The following VPS13A variants were observed in gnomAD, a reference collection of about 807,000 sequenced individuals.
VPS13A encodes the protein vacuolar protein sorting 13 homolog A, also known as intermembrane lipid transfer protein VPS13A.
In VPS13A, 264 loss-of-function variants were observed where a neutral mutation model predicts 390.9. The observed-to-expected ratio is 0.68, with a 90% CI of 0.61 to 0.75. The LOEUF (loss-of-function observed/expected upper bound fraction) is 0.75, where lower values mean the gene tolerates loss of function less well. Ranked by LOEUF, VPS13A falls within the 30% of genes least tolerant of loss-of-function variation. VPS13A has a pLI of 0.00. For missense variants in VPS13A, 3,409 were observed against 3,733.9 expected (o/e 0.91, Z 2.27); for synonymous variants, 1,231 against 1,227.1 (o/e 1.00, Z -0.07).
chr9:77,238,688 G>A (rs1824291234), intron 19 of VPS13A, among the ~76,000 whole-genome samples: 2 of 152,110 alleles, frequency 1.3e-5, no homozygotes, highest in African/African-American at 4.8e-5. Flanking sequence ...CTTAGAATGC[G>A]TTCCAGATTT....
intron 68 of VPS13A, among the ~76,000 whole-genome samples, chr9:77,386,889 A>C (rs1418520661): frequency 2.0e-5 from 3 of 151,648 alleles, no homozygotes; most frequent in Non-Finnish European, 4.4e-5. Context: ...TTGTGTTTTT[A>C]GTAGAGATGG....
chr9:77,327,140 G>A (rs186579196), intron 45 of VPS13A, among the ~76,000 whole-genome samples: 54 of 152,124 alleles, frequency 3.5e-4, no homozygotes, highest in South Asian at 1.0e-3. Flanking sequence ...TTTTTCCCTT[G>A]TGCCGCCTCT....
At chr9:77,274,426 CAAA>C (rs889400152) in intron 24 of VPS13A, among the ~76,000 whole-genome samples, 3 of 62,196 alleles carry the variant, frequency 4.8e-5, no homozygotes, top group Non-Finnish European at 6.3e-5. Flanking sequence ...GAGTCCGAAT[CAAA>C]AAAAAAAAAA....
chr9:77,409,065 C>G (rs1226760575), intron 71 of VPS13A, among the ~76,000 whole-genome samples: 1 of 152,212 alleles, frequency 6.6e-6, no homozygotes, highest in African/African-American at 2.4e-5. Context: ...CAGACTGACA[C>G]CTCACACGGC....
chr9:77,179,858 C>T (rs940814871), intron 1 of VPS13A, among the ~76,000 whole-genome samples: 13 of 152,106 alleles, frequency 8.5e-5, no homozygotes, highest in Non-Finnish European at 1.3e-4. Flanking sequence ...AGGAGTGACT[C>T]CCAATTTCCT....
intron 69 of VPS13A, among the ~76,000 whole-genome samples, chr9:77,405,658 T>G (rs2131653807): frequency 6.6e-6 from 1 of 152,326 alleles, no homozygotes; most frequent in South Asian, 2.1e-4. Context: ...TATTGTTATC[T>G]TTTTGTTTGG....
At chr9:77,394,851 C>T (rs1025560787) in intron 68 of VPS13A, among the ~76,000 whole-genome samples, 31 of 152,328 alleles carry the variant, frequency 2.0e-4, no homozygotes, top group African/African-American at 7.5e-4. Flanking sequence ...CTGCTAGCTT[C>T]ACCTTTTCTT....
chr9:77,253,936 CTTTTTTTTTTTTTT>C (rs1172781069), intron 22 of VPS13A, among the ~76,000 whole-genome samples: 1 of 55,068 alleles, frequency 1.8e-5, no homozygotes, highest in African/African-American at 6.9e-5. Flanking sequence ...GGCCTTTATT[CTTTTTTTTTTTTTT>C]TTTTTTTTTT....
intron 53 of VPS13A, among the ~76,000 whole-genome samples, 189 bp from the exon 54 acceptor site, chr9:77,353,220 C>T (rs942487348): frequency 2.0e-5 from 3 of 151,902 alleles, no homozygotes; most frequent in Admixed American, 6.6e-5. Flanking sequence ...TAACAGATAA[C>T]ATCAAATGAT....
intron 1 of VPS13A, among the ~76,000 whole-genome samples, chr9:77,183,877 A>G (rs1223987293): frequency 6.6e-6 from 1 of 152,264 alleles, no homozygotes; most frequent in Non-Finnish European, 1.5e-5. Flanking sequence ...GCATATCCAT[A>G]TAATGGAATA....
intron 1 of VPS13A, among the ~76,000 whole-genome samples, chr9:77,199,278 C>T (rs62573167): frequency 0.2 from 30,910 of 152,046 alleles, 3,338 homozygotes; most frequent in Middle Eastern, 0.26. Flanking sequence ...GTGATCCTCC[C>T]ACCTCAGCCT....
intron 51 of VPS13A, among the ~76,000 whole-genome samples, chr9:77,344,620 G>A (rs541629430): frequency 2.3e-4 from 35 of 152,054 alleles, no homozygotes; most frequent in Non-Finnish European, 3.7e-4. Flanking sequence ...TTAGCCGGGC[G>A]TGGTGGCGGG....
At chr9:77,245,089 T>C (rs1004482182) in intron 19 of VPS13A, among the ~76,000 whole-genome samples, 4 of 152,118 alleles carry the variant, frequency 2.6e-5, no homozygotes, top group African/African-American at 9.7e-5. Context: ...GAAAGTCATA[T>C]TAAGCAGTTA....
In VPS13A at chr9:77,177,636, G is replaced by GGGGCGTGGGGAAGGCGGCGGGAGGAGGA; in HGVS notation, c.-67_-40dup. 1 of 1,430,114 alleles carries GGGGCGTGGGGAAGGCGGCGGGAGGAGGA rather than the reference G, an allele frequency of 7.0e-7. No individual in the cohort carries two copies. The highest frequency in any genetic ancestry group is 1.4e-5 in the African/African-American group (1 of 71,420). The allele number at this position is 1,430,114 out of a possible 1,614,324, so 88.6% of individuals were successfully genotyped here. Reference sequence around the variant, plus strand: ...CGGTGAACCGAATTACCTCGAGGGAGGGGCGTGGGGAAGGCGGCGGGAGGA... The same window carrying GGGGCGTGGGGAAGGCGGCGGGAGGAGGA: ...CGGTGAACCGAATTACCTCGAGGGAGGGGCGTGGGGAAGGCGGCGGGAGGAGGAGGGCGTGGGGAAGGCGGCGGGAGGA... On this transcript the variant is annotated 5_prime_UTR_variant, in exon 1 of 72. Coordinates refer to ENST00000360280, the MANE Select transcript of VPS13A (RefSeq NM_033305.3).
In VPS13A at chr9:77,382,406, T is replaced by C. The variant is rs1587698840; in HGVS notation, c.9189+319T>C. 1.0e-5 allele frequency: 15 copies of C among 1,446,866 alleles called. No homozygotes were observed. In the East Asian group the frequency reaches 2.4e-4, roughly 23 times the overall value. 89.6% of individuals were successfully genotyped at this position (1,446,866 alleles called of 1,614,324 possible). A position where few individuals can be genotyped will look rare whatever the true frequency, so the allele number is the denominator to read the frequency against. On this transcript the variant is annotated intron_variant, in intron 68 of 71. Transcript: ENST00000360280. Reference sequence around the variant, plus strand: ...GTATTTTGAATACAAAGAAAACCTTTTGTATTGGTAACTTTTAATAGGAAT... The same window carrying C: ...GTATTTTGAATACAAAGAAAACCTTCTGTATTGGTAACTTTTAATAGGAAT...
chr9:77,288,163 C>T (rs1827444524), intron 31 of VPS13A, among the ~76,000 whole-genome samples: 1 of 151,920 alleles, frequency 6.6e-6, no homozygotes, highest in African/African-American at 2.4e-5. Flanking sequence ...TTTTTCTTAG[C>T]ATGTGAGATT....
chr9:77,295,427 G>T, intron 32 of VPS13A, 115 bp from the exon 33 acceptor site: 3 of 847,370 alleles, frequency 3.5e-6, no homozygotes, highest in South Asian at 2.7e-5. Flanking sequence ...AATAATGCTT[G>T]GTTGTATCAA....
At chr9:77,340,018 G>A in intron 48 of VPS13A, 107 bp downstream of exon 48, 1 of 1,453,922 alleles carries the variant, frequency 6.9e-7, no homozygotes, top group South Asian at 1.2e-5. Context: ...GAAATAACTT[G>A]TTAAATATTT....
chr9:77,371,118 A>G lies in VPS13A; in HGVS notation c.9046A>G (p.Met3016Val), dbSNP rs1335740582. ...VARPTGGIIDMASSTFQGIKR... is the reference protein window; with the variant it reads ...VARPTGGIIDVASSTFQGIKR... ...AAGGCCAACTGGAGGCATCATAGAC[A>G]TGGCTAGCAGTACATTTCAGGGAAT... is the stretch of plus-strand genomic sequence containing the variant. Residue 3016 changes from methionine (M) to valine (V), a missense_variant, in exon 67 of 72, where the codon ATG (methionine) becomes GTG (valine). Met to Val is a conservative substitution (Grantham distance 21). Coordinates refer to ENST00000360280, the MANE Select transcript of VPS13A (RefSeq NM_033305.3). 6.2e-6 allele frequency: 10 copies of G among 1,614,010 alleles called. No individual in the cohort carries two copies. The highest frequency in any genetic ancestry group is 8.5e-6 in the Non-Finnish European group (10 of 1,179,990).
Sources: allele counts gnomAD v4.1 joint callset (sites outside exome capture counted in the v4.1 genomes callset), GRCh38; gene constraint gnomAD v4.1.1; transcripts MANE v1.5; gene names NCBI Gene and HGNC (gene_info 2026-07-23, HGNC 2026-07-21).